MARCHF6: variants seen among roughly 807,000 people sequenced by gnomAD.
MARCHF6 encodes E3 ubiquitin-protein ligase MARCHF6.
A neutral mutation model predicts 133.7 loss-of-function variants in MARCHF6; 31 were observed. The observed-to-expected ratio is 0.23, with a 90% CI of 0.17 to 0.31. The LOEUF (loss-of-function observed/expected upper bound fraction) is 0.31. Among genes scored for constraint, MARCHF6 ranks in the 10% least tolerant of loss-of-function variants. MARCHF6 has a pLI of 1.00. For synonymous variants in MARCHF6, 395 were observed against 402.5 expected, an observed-to-expected ratio of 0.98 and a Z score of 0.22; for missense variants, 723 against 1,121.6, an observed-to-expected ratio of 0.64 and a Z score of 5.08.
chr5:10,419,061 A>C (rs1739691256), intron 22 of MARCHF6, among the ~76,000 whole-genome samples: 1 of 152,310 alleles, frequency 6.6e-6, no homozygotes, highest in South Asian at 2.1e-4. Context: ...TATGTGGGGA[A>C]CTGCCTCCTT....
chr5:10,377,261 C>G (rs576687051), intron 1 of MARCHF6, among the ~76,000 whole-genome samples: 58 of 152,220 alleles, frequency 3.8e-4, no homozygotes, highest in Non-Finnish European at 7.2e-4. Context: ...TCCCCTCCCC[C>G]CACCAGCCCT....
At chr5:10,401,968 CTT>C in intron 11 of MARCHF6, 89 bp from the exon 12 acceptor site, 1 of 771,436 alleles carries the variant, frequency 1.3e-6, no homozygotes, top group Non-Finnish European at 2.3e-6. Flanking sequence ...CAACAATTCT[CTT>C]TTAGTCATTT....
intron 5 of MARCHF6, among the ~76,000 whole-genome samples, chr5:10,387,781 C>T (rs2126720998): frequency 6.6e-6 from 1 of 152,190 alleles, no homozygotes; most frequent in African/African-American, 2.4e-5. Flanking sequence ...CTACTTCAGC[C>T]TCCTGAATAG....
In MARCHF6 at chr5:10,435,937, G is replaced by A. The variant is rs979835266; in HGVS notation, c.*2253G>A. On this transcript the variant is annotated 3_prime_UTR_variant, in exon 26 of 26. Coordinates refer to ENST00000274140, the MANE Select transcript of MARCHF6 (RefSeq NM_005885.4). The stretch of plus-strand genomic sequence containing the variant: ...TCACCATGTTGGCCAGGCTGGTCTC[G>A]GAACTCCTGACTGCAGGTGATCCGT... 2.0e-5 allele frequency: 3 copies of A among 150,650 alleles called. No individual in the cohort carries two copies. Among genetic ancestry groups the A allele is most frequent in the Admixed American group, 6.6e-5 (1 of 15,100 alleles). 9.3% of individuals were successfully genotyped at this position (150,650 alleles called of 1,614,324 possible).
At chr5:10,416,551 T>C (rs1362457048) in intron 21 of MARCHF6, among the ~76,000 whole-genome samples, 3 of 152,204 alleles carry the variant, frequency 2.0e-5, no homozygotes, top group African/African-American at 7.2e-5. Context: ...AAGTGCCATA[T>C]AGAGAAACAA....
intron 21 of MARCHF6, among the ~76,000 whole-genome samples, chr5:10,417,033 A>G (rs1471483152): frequency 6.6e-6 from 1 of 152,212 alleles, no homozygotes; most frequent in Non-Finnish European, 1.5e-5. Context: ...TCTTGGGCAA[A>G]CAGAAACCTA....
At chr5:10,379,221 A>AT (rs1029954850) in intron 3 of MARCHF6, among the ~76,000 whole-genome samples, 5 of 151,436 alleles carry the variant, frequency 3.3e-5, no homozygotes, top group Admixed American at 6.6e-5. Flanking sequence ...TTATCCTTTT[A>AT]TTTTTTTCTC....
At chr5:10,395,594 G>C (rs1418744999) in intron 9 of MARCHF6, among the ~76,000 whole-genome samples, 1 of 152,186 alleles carries the variant, frequency 6.6e-6, no homozygotes, top group Non-Finnish European at 1.5e-5. Context: ...GTAATATGAA[G>C]TTATTTGCCA....
In MARCHF6 at chr5:10,439,752, T is replaced by C. The variant is rs974548125; in HGVS notation, c.*6068T>C. 1.3e-5 allele frequency: 2 copies of C among 152,352 alleles called. No homozygotes were observed. Among genetic ancestry groups the C allele is most frequent in the Non-Finnish European group, 2.9e-5 (2 of 68,100 alleles). The allele number at this position is 152,352 out of a possible 1,614,324, so 9.4% of individuals were successfully genotyped here. ...CTCAGAACTCTCCAATAGACGACCA[T>C]GGCACTCAAAAGTCCACAATAGCCT... is the stretch of plus-strand genomic sequence containing the variant. On this transcript the variant is annotated 3_prime_UTR_variant, in exon 26 of 26. Transcript: ENST00000274140.
Position 10,415,403 on chromosome 5 carries a change from T to C in MARCHF6, c.1967-85T>C, listed in dbSNP as rs1180587639. 6.5e-6 allele frequency: 8 copies of C among 1,235,906 alleles called. No homozygotes were observed. The Admixed American group carries it at 1.0e-4, about 16-fold the overall frequency. 76.6% of individuals were successfully genotyped at this position (1,235,906 alleles called of 1,614,324 possible). On this transcript the variant is annotated intron_variant, in intron 20 of 25. Transcript: ENST00000274140. ...ATCGAATGTGATATCTTTTTCCTAATGTGAAAATACTAACATAACAACATG... is the reference window on the plus strand; with the variant it reads ...ATCGAATGTGATATCTTTTTCCTAACGTGAAAATACTAACATAACAACATG...
At chr5:10,403,050 T>G (rs1579587001) in intron 14 of MARCHF6, among the ~76,000 whole-genome samples, 1 of 152,352 alleles carries the variant, frequency 6.6e-6, no homozygotes, top group Admixed American at 6.5e-5. Context: ...ATATTTTATG[T>G]GTAGAAAAGC....
intron 1 of MARCHF6, among the ~76,000 whole-genome samples, chr5:10,375,914 C>T (rs184072935): frequency 6.6e-6 from 1 of 152,236 alleles, no homozygotes; most frequent in African/African-American, 2.4e-5. Context: ...TCTGGTGGGG[C>T]CTTGGAGAAC....
intron 1 of MARCHF6, among the ~76,000 whole-genome samples, chr5:10,374,926 A>G (rs1412937833): frequency 6.6e-6 from 1 of 152,172 alleles, no homozygotes; most frequent in Non-Finnish European, 1.5e-5. Context: ...TCCCATTGAT[A>G]GTTATTCTGT....
In MARCHF6 at chr5:10,435,031, C is replaced by T. The variant is rs548205887; in HGVS notation, c.*1347C>T. The T allele has an allele frequency of 6.6e-6, 1 of 152,612 alleles. No individual in the cohort carries two copies. The highest frequency in any genetic ancestry group is 2.4e-5 in the African/African-American group (1 of 41,514). The allele number at this position is 152,612 out of a possible 1,614,324, so 9.5% of individuals were successfully genotyped here. A position where few individuals can be genotyped will look rare whatever the true frequency, so the allele number is the denominator to read the frequency against. On this transcript the variant is annotated 3_prime_UTR_variant, in exon 26 of 26. Transcript: ENST00000274140. Reference sequence around the variant, plus strand: ...TAAATGTTTAATGCTAAAGGTATATCGTAAGGGTAGTGTTTGTTTTTGAAC... The same window carrying T: ...TAAATGTTTAATGCTAAAGGTATATTGTAAGGGTAGTGTTTGTTTTTGAAC...
At chr5:10,410,024 G>A in intron 17 of MARCHF6, 115 bp from the exon 18 acceptor site, 2 of 1,081,866 alleles carry the variant, frequency 1.8e-6, no homozygotes, top group Non-Finnish European at 2.7e-6. Context: ...GAGAATGAAA[G>A]GAGAGGTAAT....
intron 4 of MARCHF6, among the ~76,000 whole-genome samples, chr5:10,385,622 T>C (rs1737421588): frequency 6.6e-6 from 1 of 152,248 alleles, no homozygotes; most frequent in Non-Finnish European, 1.5e-5. Context: ...TGTTAGCAAA[T>C]GGCTAACAAA....
chr5:10,353,979 A>C, intron 1 of MARCHF6, 62 bp downstream of exon 1: 4 of 1,490,726 alleles, frequency 2.7e-6, no homozygotes, highest in Non-Finnish European at 3.6e-6. Context: ...TACCCCGGCC[A>C]GGTCCGCGGC....
chr5:10,423,127 A>G (rs1241766839), intron 22 of MARCHF6, among the ~76,000 whole-genome samples: 2 of 151,536 alleles, frequency 1.3e-5, no homozygotes, highest in Non-Finnish European at 2.9e-5. Flanking sequence ...AGTTACGTTC[A>G]TGATCTGATT....
chr5:10,423,175 G>A (rs940851445), intron 22 of MARCHF6, among the ~76,000 whole-genome samples: 1 of 150,168 alleles, frequency 6.7e-6, no homozygotes, highest in Admixed American at 6.7e-5. Context: ...TGGGGAAGGG[G>A]GCTGTGGGGA....
Sources: allele counts gnomAD v4.1 joint callset (sites outside exome capture counted in the v4.1 genomes callset), GRCh38; gene constraint gnomAD v4.1.1; transcripts MANE v1.5; gene names NCBI Gene and HGNC (gene_info 2026-07-23, HGNC 2026-07-21).